The following UBALD2 variants were observed in gnomAD, a reference collection of about 807,000 sequenced individuals.
UBALD2 encodes the protein UBA-like domain-containing protein 2.
A neutral mutation model predicts 15.9 loss-of-function variants in UBALD2; 8 were observed. The ratio of observed to expected loss-of-function variants is 0.50; its 90% CI spans 0.29 to 0.91. The LOEUF is 0.91. Ranked by LOEUF, UBALD2 falls within the 40% of genes least tolerant of loss-of-function variation. UBALD2 has a pLI of 0.07. For missense variants in UBALD2, 178 were observed against 234.8 expected, an observed-to-expected ratio of 0.76 and a Z score of 1.58; for synonymous variants, 113 against 97.7, an observed-to-expected ratio of 1.16 and a Z score of -0.93.
chr17:76,270,097 A>T lies in UBALD2; in HGVS notation c.184-97A>T, dbSNP rs550888088. On this transcript the variant is annotated intron_variant, in intron 2 of 2. Transcript: ENST00000327490. ...CTTGTGCGAAAATGAATGAAGCTGA[A>T]AAATGGGAGTAAAGGAGCGGCTGGC... 117 of 1,298,344 alleles carry T rather than the reference A, an allele frequency of 9.0e-5. 1 individual carries two copies. The highest frequency in any genetic ancestry group is 1.1e-4 in the Non-Finnish European group (101 of 936,418). 80.4% of individuals were successfully genotyped at this position (1,298,344 alleles called of 1,614,324 possible).
intron 2 of UBALD2, among the ~76,000 whole-genome samples, chr17:76,268,795 G>A (rs7207629): frequency 0.11 from 15,637 of 146,348 alleles, 2,102 homozygotes; most frequent in African/African-American, 0.32. Context: ...GTGCAGTGAC[G>A]TGATCTCAGC....
At chr17:76,266,801 A>T (rs1183282321) in intron 2 of UBALD2, among the ~76,000 whole-genome samples, 2 of 151,764 alleles carry the variant, frequency 1.3e-5, no homozygotes, top group South Asian at 4.2e-4. Context: ...CTGCTGGGGG[A>T]GGAGGGGCAG....
chr17:76,269,294 C>T lies in UBALD2; in HGVS notation c.184-900C>T, dbSNP rs2070567870. ...CCCCCAGGGTAGTGACAGAAGACAGCAGATGGGGGACTGTAGCTACCCCCA... is the reference window on the plus strand; with the variant it reads ...CCCCCAGGGTAGTGACAGAAGACAGTAGATGGGGGACTGTAGCTACCCCCA... On this transcript the variant is annotated intron_variant, in intron 2 of 2. Coordinates refer to ENST00000327490, the MANE Select transcript of UBALD2 (RefSeq NM_182565.4). This position sits in a 1 kb window ranked among gnomAD's most constrained non-coding sequence, Gnocchi z 4.6. Among the ~76,000 whole-genome samples the T allele has an allele frequency of 6.6e-6, 1 of 152,246 alleles. No individual in the cohort carries two copies. Among genetic ancestry groups the T allele is most frequent in the Admixed American group, 6.5e-5 (1 of 15,300 alleles).
Position 76,270,241 on chromosome 17 carries a change from T to C in UBALD2, c.231T>C (p.Asp77=), listed in dbSNP as rs712833. ...CTGCCACGCCGCCCAACTTCCCCGA[T>C]GCGCTGGCCATGTTCTCCAAGCTCC... ...NTPATPPNFP[D]ALAMFSKLRA... The change falls in exon 3 of 3, where the codon GAT becomes GAC. Residue 77 remains aspartate, a synonymous_variant. Coordinates refer to ENST00000327490, the MANE Select transcript of UBALD2 (RefSeq NM_182565.4). 61,257 of 1,612,672 alleles carry C rather than the reference T, an allele frequency of 0.038. 4,255 individuals are homozygous for C. The highest frequency in any genetic ancestry group is 0.31 in the African/African-American group (23,094 of 74,934).
intron 2 of UBALD2, among the ~76,000 whole-genome samples, chr17:76,268,376 T>C (rs1318202490): frequency 1.3e-5 from 2 of 152,170 alleles, no homozygotes; most frequent in African/African-American, 4.8e-5. Flanking sequence ...GAGACAGGCC[T>C]CGCTGGCTGG....
Position 76,265,913 on chromosome 17 carries a change from C to T in UBALD2, c.127C>T (p.Leu43=), listed in dbSNP as rs148304744. ...CTGCCCTGTTTGTCCGCAGACCGCGCTGAGCACGTTCTTCCAAGAAACCAA... is the reference window on the plus strand; with the variant it reads ...CTGCCCTGTTTGTCCGCAGACCGCGTTGAGCACGTTCTTCCAAGAAACCAA... ...QAAHWQFETA[L]STFFQETNIP... Residue 43 remains leucine (L), a synonymous_variant, in exon 2 of 3, where the codon CTG becomes TTG. Transcript: ENST00000327490. The T allele has an allele frequency of 8.7e-6, 14 of 1,604,978 alleles. No homozygotes were observed. The African/African-American group carries it at 1.7e-4, about 20-fold the overall frequency.
chr17:76,270,353 T>C lies in UBALD2; in HGVS notation c.343T>C (p.Ser115Pro). ...TGCAAACTTCAGCCCCTTCTGGGCC[T>C]CGTCCCCGCCCAGCCACCAGGCGCC... ...PPANFSPFWA[S>P]SPPSHQAPWI... The change falls in exon 3 of 3, where the codon TCG becomes CCG. Residue 115 changes from serine to proline, a missense_variant. Transcript: ENST00000327490. 6.3e-7 allele frequency: 1 copy of C among 1,582,892 alleles called. No homozygotes were observed. The highest frequency in any genetic ancestry group is 8.6e-7 in the Non-Finnish European group (1 of 1,168,530).
chr17:76,266,364 G>A (rs914784276), intron 2 of UBALD2, among the ~76,000 whole-genome samples: 1 of 152,112 alleles, frequency 6.6e-6, no homozygotes. Flanking sequence ...GGGGGTGCTT[G>A]TGTTTATGGG....
rs1314397913 is a variant in UBALD2, at chr17:76,271,001, A to G, written c.*496A>G. 1.3e-5 allele frequency: 2 copies of G among 152,666 alleles called. No individual in the cohort carries two copies. Among genetic ancestry groups the G allele is most frequent in the African/African-American group, 4.8e-5 (2 of 41,456 alleles). 9.5% of individuals were successfully genotyped at this position (152,666 alleles called of 1,614,324 possible). ...AGCTGTGGAAGGCCCTCTTGGTATC[A>G]GGGCTCTCTCCCCATGGCCTCTTCC... On this transcript the variant is annotated 3_prime_UTR_variant, in exon 3 of 3. Transcript: ENST00000327490.
intron 2 of UBALD2, 116 bp downstream of exon 2, chr17:76,266,085 G>C (rs1568095801): frequency 1.5e-6 from 2 of 1,317,734 alleles, no homozygotes; most frequent in Non-Finnish European, 2.1e-6. Flanking sequence ...ATGTCTTCCA[G>C]GAAAGAGCGG....
chr17:76,268,279 G>A (rs569773906), intron 2 of UBALD2, among the ~76,000 whole-genome samples: 1 of 152,350 alleles, frequency 6.6e-6, no homozygotes, highest in African/African-American at 2.4e-5. Flanking sequence ...GCTCCAGAGA[G>A]GTTCAGGAAC....
chr17:76,265,674 G>A (rs1209485580), intron 1 of UBALD2, 49 bp downstream of exon 1: 2 of 1,156,862 alleles, frequency 1.7e-6, no homozygotes, highest in East Asian at 4.5e-5. Context: ...CGGGGACGCC[G>A]GGCGGCGGCG....
chr17:76,266,014 G>T, intron 2 of UBALD2, 45 bp downstream of exon 2: 1 of 1,540,824 alleles, frequency 6.5e-7, no homozygotes, highest in Non-Finnish European at 8.8e-7. Context: ...CGCTGTCAGC[G>T]CGGCGGTGAC....
At chr17:76,267,716 G>A (rs1278376011) in intron 2 of UBALD2, among the ~76,000 whole-genome samples, 3 of 150,020 alleles carry the variant, frequency 2.0e-5, no homozygotes, top group Admixed American at 2.0e-4. Context: ...CCTAGGCGGA[G>A]TGCAATGGTG....
At chr17:76,265,831 G>C in intron 1 of UBALD2, 76 bp from the exon 2 acceptor site, 1 of 1,523,628 alleles carries the variant, frequency 6.6e-7, no homozygotes, top group Non-Finnish European at 8.9e-7. Flanking sequence ...GAGGCGGGGA[G>C]AGCCGGTGGG....
At chr17:76,267,741 C>T (rs867689823) in intron 2 of UBALD2, among the ~76,000 whole-genome samples, 24 of 150,922 alleles carry the variant, frequency 1.6e-4, no homozygotes, top group Non-Finnish European at 2.1e-4. Flanking sequence ...CTCGGCTCAC[C>T]GCAACCTTCA....
At chr17:76,268,670 T>C (rs2070562866) in intron 2 of UBALD2, among the ~76,000 whole-genome samples, 1 of 151,678 alleles carries the variant, frequency 6.6e-6, no homozygotes. Context: ...AGTGTCCCCA[T>C]TCCATGTATG....
chr17:76,266,283 G>T (rs775614726), intron 2 of UBALD2, among the ~76,000 whole-genome samples: 1 of 152,118 alleles, frequency 6.6e-6, no homozygotes, highest in Admixed American at 6.5e-5. Context: ...AGGGGATGGG[G>T]AGGGGGAGAG....
intron 2 of UBALD2, among the ~76,000 whole-genome samples, chr17:76,266,414 C>G (rs995963673): frequency 1.4e-4 from 21 of 151,272 alleles, no homozygotes; most frequent in Middle Eastern, 3.4e-3. Context: ...CCCTCCCCCT[C>G]CACACACACA....
Sources: allele counts gnomAD v4.1 joint callset (sites outside exome capture counted in the v4.1 genomes callset), GRCh38; gene constraint gnomAD v4.1.1; non-coding constraint Gnocchi (gnomAD v3.1); transcripts MANE v1.5; gene names NCBI Gene and HGNC (gene_info 2026-07-23, HGNC 2026-07-21).